SFMBT2: variants seen among roughly 807,000 people sequenced by gnomAD.
The protein encoded by SFMBT2 is scm-like with four MBT domains protein 2.
SFMBT2 carries 38 observed loss-of-function variants against 110.1 expected under a neutral mutation model. The ratio of observed to expected loss-of-function variants is 0.35; its 90% confidence interval spans 0.27 to 0.45. The LOEUF (loss-of-function observed/expected upper bound fraction) is 0.45, where lower values mean the gene tolerates loss of function less well. SFMBT2 is among the 20% of genes least tolerant of loss of function. The pLI, the probability that SFMBT2 is intolerant of heterozygous loss-of-function variation, is 1.00. For missense variants in SFMBT2, 1,011 were observed against 1,094.9 expected (o/e 0.92, Z 1.08); for synonymous variants, 425 against 425.4 (o/e 1.00, Z 0.01).
At chr10:7,188,284 T>TACA (rs1279335715) in intron 16 of SFMBT2, among the ~76,000 whole-genome samples, 1 of 152,224 alleles carries the variant, frequency 6.6e-6, no homozygotes, top group Non-Finnish European at 1.5e-5. Flanking sequence ...ATGAACATAG[T>TACA]ATAATAATGA....
At chr10:7,214,008 G>T (rs1309446455) in intron 11 of SFMBT2, among the ~76,000 whole-genome samples, 1 of 152,200 alleles carries the variant, frequency 6.6e-6, no homozygotes, top group Non-Finnish European at 1.5e-5. Context: ...ACGGTGGGAA[G>T]TGAGCCAGCC....
chr10:7,271,297 A>AAAT (rs1841573647), intron 7 of SFMBT2, among the ~76,000 whole-genome samples: 1 of 151,622 alleles, frequency 6.6e-6, no homozygotes. Flanking sequence ...CCTCCAAAAA[A>AAAT]AAAAAAAAAA....
intron 8 of SFMBT2, 188 bp from the exon 9 acceptor site, chr10:7,243,893 G>A (rs554522679): frequency 5.2e-4 from 110 of 212,048 alleles, no homozygotes; most frequent in African/African-American, 2.5e-3. Context: ...ATTGACTGCT[G>A]TGGTCCTATT....
At chr10:7,341,135 G>A (rs1392749918) in intron 4 of SFMBT2, among the ~76,000 whole-genome samples, 1 of 152,188 alleles carries the variant, frequency 6.6e-6, no homozygotes, top group Non-Finnish European at 1.5e-5. Flanking sequence ...TCCAGTATTA[G>A]CATGGAATCA....
chr10:7,330,142 G>A (rs914454515), intron 4 of SFMBT2, among the ~76,000 whole-genome samples: 2 of 152,146 alleles, frequency 1.3e-5, no homozygotes, highest in African/African-American at 4.8e-5. Context: ...TTAGAGAAGG[G>A]GGATCTCTTT....
At chr10:7,220,852 A>T (rs1839708148) in intron 10 of SFMBT2, among the ~76,000 whole-genome samples, 1 of 147,904 alleles carries the variant, frequency 6.8e-6, no homozygotes, top group African/African-American at 2.5e-5. Context: ...TTTGAGACAG[A>T]GTCTGGCTCT....
At chr10:7,203,463 C>G in intron 12 of SFMBT2, 1 of 236,038 alleles carries the variant, frequency 4.2e-6, no homozygotes, top group Non-Finnish European at 6.9e-6. Flanking sequence ...GCACAACAGA[C>G]AGATCCAAAA....
chr10:7,272,013 A>C (rs75220902), intron 7 of SFMBT2, among the ~76,000 whole-genome samples: 1 of 152,148 alleles, frequency 6.6e-6, no homozygotes, highest in Non-Finnish European at 1.5e-5. Context: ...TCAAGGTACA[A>C]AGGGCGTTAC....
chr10:7,367,701 C>T lies in SFMBT2; in HGVS notation c.384G>A (p.Leu128=). The T allele has an allele frequency of 6.2e-7, 1 of 1,613,926 alleles. No homozygotes were observed. Among genetic ancestry groups the T allele is most frequent in the East Asian group, 2.2e-5 (1 of 44,888 alleles). Residue 128 remains leucine, a synonymous_variant, in exon 4 of 21, where the codon TTG becomes TTA. Transcript: ENST00000397167. The surrounding 1 kb of genome is among the most constrained non-coding windows in gnomAD (Gnocchi z 6.2). ...TCTGTGTGCACCACCCCACGGGGTG[C>T]AAATCCGCGATGACTACGTCACACC... ...DFWCDVVIAD[L]HPVGWCTQNN... is the part of the protein sequence containing the mutation.
chr10:7,393,018 TATATATATATATATATAA>T (rs1234195282), intron 1 of SFMBT2, among the ~76,000 whole-genome samples: 4,847 of 82,246 alleles, frequency 0.059, 190 homozygotes, highest in African/African-American at 0.13. Flanking sequence ...TATATATATA[TATATATATATATATATAA>T]TTTTTTTTTT....
chr10:7,220,677 C>T, intron 10 of SFMBT2, 140 bp from the exon 11 acceptor site: 1 of 866,142 alleles, frequency 1.2e-6, no homozygotes, highest in Non-Finnish European at 1.8e-6. Context: ...GTCCTTCCCA[C>T]TGTTCATGAA....
At chr10:7,187,887 G>C (rs1588780565) in intron 16 of SFMBT2, among the ~76,000 whole-genome samples, 1 of 152,144 alleles carries the variant, frequency 6.6e-6, no homozygotes, top group South Asian at 2.1e-4. Flanking sequence ...AAGTCAACTA[G>C]TAAAACCTAT....
At chr10:7,362,844 G>C (rs1564458813) in intron 4 of SFMBT2, among the ~76,000 whole-genome samples, 1 of 152,210 alleles carries the variant, frequency 6.6e-6, no homozygotes, top group Non-Finnish European at 1.5e-5. Context: ...ACCTCCAACA[G>C]TAATTCACAA....
intron 17 of SFMBT2, among the ~76,000 whole-genome samples, chr10:7,174,790 G>A (rs1837998373): frequency 6.6e-6 from 1 of 152,218 alleles, no homozygotes; most frequent in Non-Finnish European, 1.5e-5. Flanking sequence ...GTGCAGTGAT[G>A]GAGAAACAAG....
intron 9 of SFMBT2, among the ~76,000 whole-genome samples, chr10:7,237,060 G>T (rs1045479715): frequency 2.6e-5 from 4 of 152,154 alleles, no homozygotes; most frequent in Non-Finnish European, 5.9e-5. Context: ...TTAATCCTGG[G>T]AATACCGCAA....
At chr10:7,371,920 ATTTT>A (rs762872004) in intron 2 of SFMBT2, among the ~76,000 whole-genome samples, 8 of 77,734 alleles carry the variant, frequency 1.0e-4, no homozygotes, top group African/African-American at 4.1e-4. Context: ...TCCACCTGTA[ATTTT>A]TTTTTTTTTT....
rs796578061 is a variant in SFMBT2 at position 7,400,521 on chromosome 10, C to T, written c.-52+10340G>A. ...CGCCAAATTACTCCACAGCTGTCGG[C>T]TTCTATGAAGTTGATGGCATCCAGC... On this transcript the variant is annotated intron_variant, in intron 1 of 20. Transcript: ENST00000397167. Among the ~76,000 whole-genome samples, 3 of 152,158 alleles carry T rather than the reference C, an allele frequency of 2.0e-5. No homozygotes were observed. In the South Asian group the frequency reaches 6.2e-4, roughly 31 times the overall value.
intron 4 of SFMBT2, among the ~76,000 whole-genome samples, chr10:7,350,697 G>A (rs1844285019): frequency 6.6e-6 from 1 of 152,200 alleles, no homozygotes; most frequent in Non-Finnish European, 1.5e-5. Flanking sequence ...GAAGAGAAGA[G>A]TTCTACCATA....
chr10:7,193,838 A>G (rs1489597584), intron 15 of SFMBT2, among the ~76,000 whole-genome samples: 1 of 152,238 alleles, frequency 6.6e-6, no homozygotes, highest in Non-Finnish European at 1.5e-5. Context: ...AACAGCCGAC[A>G]AGACCCTTTT....
Sources: allele counts gnomAD v4.1 joint callset (sites outside exome capture counted in the v4.1 genomes callset), GRCh38; gene constraint gnomAD v4.1.1; non-coding constraint Gnocchi (gnomAD v3.1); transcripts MANE v1.5; gene names NCBI Gene and HGNC (gene_info 2026-07-23, HGNC 2026-07-21).